MAP4K4: variants seen among roughly 807,000 people sequenced by gnomAD.
MAP4K4 encodes HPK/GCK-like kinase HGK.
Under a neutral mutation model 189.6 loss-of-function variants are expected in MAP4K4, and 38 were observed. The ratio of observed to expected loss-of-function variants is 0.20; its 90% confidence interval spans 0.15 to 0.26. MAP4K4 has a LOEUF of 0.26. Ranked by LOEUF, MAP4K4 falls within the 10% of genes least tolerant of loss-of-function variation. MAP4K4 has a pLI of 1.00. For synonymous variants in MAP4K4, 610 were observed against 624.3 expected, an observed-to-expected ratio of 0.98 and a Z score of 0.34; for missense variants, 1,054 against 1,726.9, an observed-to-expected ratio of 0.61 and a Z score of 6.91.
chr2:101,793,568 GTTTTTTTTTTTT>G (rs5832988), intron 3 of MAP4K4, among the ~76,000 whole-genome samples: 15 of 127,550 alleles, frequency 1.2e-4, no homozygotes, highest in African/African-American at 3.6e-4. Context: ...ACTCTTCATG[GTTTTTTTTTTTT>G]TTTTTTTTAC....
chr2:101,862,962 A>G (rs1251713358), intron 16 of MAP4K4, among the ~76,000 whole-genome samples: 1 of 152,256 alleles, frequency 6.6e-6, no homozygotes, highest in African/African-American at 2.4e-5. Flanking sequence ...TTCAGTTGCC[A>G]TATTGAACAA....
At chr2:101,846,000 A>G (rs1021429451) in intron 12 of MAP4K4, among the ~76,000 whole-genome samples, 7 of 152,156 alleles carry the variant, frequency 4.6e-5, no homozygotes, top group Middle Eastern at 3.2e-3. Context: ...CACTTTGTGT[A>G]TTTGTAGTCT....
At chr2:101,772,856 G>A (rs750416895) in intron 2 of MAP4K4, among the ~76,000 whole-genome samples, 8 of 152,176 alleles carry the variant, frequency 5.3e-5, no homozygotes, top group Non-Finnish European at 1.2e-4. Flanking sequence ...TACAGATGAG[G>A]GGACTGGGCT....
intron 26 of MAP4K4, among the ~76,000 whole-genome samples, chr2:101,875,763 T>G (rs2098184436): frequency 6.6e-6 from 1 of 152,158 alleles, no homozygotes; most frequent in Admixed American, 6.5e-5. Flanking sequence ...AGGTTCTAGG[T>G]CAAGGAACAA....
exon 13 of MAP4K4, chr2:101,856,053 G>T (rs368647388): frequency 1.1e-5 from 17 of 1,551,680 alleles, no homozygotes; most frequent in Non-Finnish European, 1.5e-5. Flanking sequence ...GAAAAGAGGC[G>T]TCTAGAGGAG....
chr2:101,812,370 C>T (rs901663797), intron 3 of MAP4K4, among the ~76,000 whole-genome samples: 5 of 152,182 alleles, frequency 3.3e-5, no homozygotes, highest in African/African-American at 1.2e-4. Flanking sequence ...TCTTCGCAGA[C>T]GGAGGACATC....
chr2:101,741,520 AG>A (rs1311709491), intron 2 of MAP4K4, among the ~76,000 whole-genome samples: 1 of 152,076 alleles, frequency 6.6e-6, no homozygotes, highest in Admixed American at 6.6e-5. Flanking sequence ...AATGAAGAGG[AG>A]TTCCCTGCCC....
chr2:101,721,612 T>G (rs1300535501), intron 2 of MAP4K4, among the ~76,000 whole-genome samples: 4 of 152,082 alleles, frequency 2.6e-5, no homozygotes, highest in Non-Finnish European at 5.9e-5. Context: ...ATTTTTGTAT[T>G]TTTAGTAGAG....
At position 101,792,268 on chromosome 2, in the gene MAP4K4, C is replaced by G. The variant is rs190300105; in HGVS notation, c.180+1492C>G. Among the ~76,000 whole-genome samples the G allele has an allele frequency of 1.2e-3, 179 of 152,232 alleles. 6 individuals carry two copies. In the East Asian group the frequency reaches 0.031, roughly 26 times the overall value. ...CGGTCTTTGCATATTTATTAACACA[C>G]TTTTTGACTTGTTTACTGGCAGACT... On this transcript the variant is annotated intron_variant, in intron 3 of 32. Transcript: ENST00000324219.
chr2:101,888,562 G>A (rs1387856386), intron 31 of MAP4K4, among the ~76,000 whole-genome samples: 2 of 152,074 alleles, frequency 1.3e-5, no homozygotes, highest in Non-Finnish European at 2.9e-5. Context: ...AGGCGTGAAA[G>A]GCCTAAGGAA....
At chr2:101,809,360 TTTG>T (rs2095264055) in intron 3 of MAP4K4, among the ~76,000 whole-genome samples, 1 of 152,096 alleles carries the variant, frequency 6.6e-6, no homozygotes, top group Non-Finnish European at 1.5e-5. Flanking sequence ...AGTTTTTTTT[TTTG>T]TTGTTGTTAG....
intron 2 of MAP4K4, among the ~76,000 whole-genome samples, chr2:101,778,264 G>A (rs1004152779): frequency 1.4e-4 from 21 of 152,184 alleles, no homozygotes; most frequent in African/African-American, 4.8e-4. Context: ...AGGCAGTTCC[G>A]TAGGGCTGTG....
intron 3 of MAP4K4, among the ~76,000 whole-genome samples, chr2:101,815,456 G>C (rs2095658039): frequency 6.6e-6 from 1 of 151,970 alleles, no homozygotes; most frequent in Non-Finnish European, 1.5e-5. Context: ...CTTTTGTTAA[G>C]TTTTTTTTAA....
At chr2:101,750,107 C>G (rs1455734164) in intron 2 of MAP4K4, among the ~76,000 whole-genome samples, 1 of 149,526 alleles carries the variant, frequency 6.7e-6, no homozygotes, top group Admixed American at 6.6e-5. Context: ...TGTGGCGATT[C>G]CTCAGGGATC....
At chr2:101,884,587 G>T (rs769627225) in intron 28 of MAP4K4, among the ~76,000 whole-genome samples, 1 of 152,176 alleles carries the variant, frequency 6.6e-6, no homozygotes, top group Non-Finnish European at 1.5e-5. Context: ...ACCCCTGGGA[G>T]TACTTGTTTT....
At chr2:101,700,363 G>A (rs1307768639) in intron 2 of MAP4K4, among the ~76,000 whole-genome samples, 1 of 152,150 alleles carries the variant, frequency 6.6e-6, no homozygotes, top group Admixed American at 6.5e-5. Flanking sequence ...CGCTAGCTAC[G>A]TTTGGTAGGT....
chr2:101,775,478 G>T (rs928245670), intron 2 of MAP4K4, among the ~76,000 whole-genome samples: 1 of 151,902 alleles, frequency 6.6e-6, no homozygotes, highest in Non-Finnish European at 1.5e-5. Flanking sequence ...ATTTGAGATT[G>T]TTTGTAAAGG....
At chr2:101,873,827 T>C (rs375731664) in intron 25 of MAP4K4, 63 bp downstream of exon 25, 14 of 1,245,570 alleles carry the variant, frequency 1.1e-5, no homozygotes, top group East Asian at 7.2e-5. Flanking sequence ...GTTGCTCTTT[T>C]GGGTGGCTTA....
chr2:101,702,572 A>G (rs1202658775), intron 2 of MAP4K4, among the ~76,000 whole-genome samples: 5 of 152,210 alleles, frequency 3.3e-5, no homozygotes, highest in Non-Finnish European at 5.9e-5. Flanking sequence ...TCTGTCTCAA[A>G]AAAAAGAAAA....
Sources: gnomAD v4.1 joint callset for allele counts (sites outside exome capture counted in the v4.1 genomes callset) on GRCh38, gnomAD v4.1.1 for gene constraint, MANE v1.5 for transcripts, NCBI Gene and HGNC (gene_info 2026-07-23, HGNC 2026-07-21) for gene names.